The following LRRC37A2 variants were observed in gnomAD, a reference collection of about 807,000 sequenced individuals.
LRRC37A2 encodes the protein leucine rich repeat containing 37 member A2, also known as leucine-rich repeat-containing protein 37A2.
In LRRC37A2, 9 loss-of-function variants were observed where a neutral mutation model predicts 68.8. That is an observed-to-expected ratio of 0.13 (90% CI 0.08 to 0.23). The LOEUF (loss-of-function observed/expected upper bound fraction) is 0.23, where lower values mean the gene tolerates loss of function less well. Ranked by LOEUF, LRRC37A2 falls within the 10% of genes least tolerant of loss-of-function variation. The pLI is 1.00. For synonymous variants in LRRC37A2, 63 were observed against 367.6 expected, an observed-to-expected ratio of 0.17 and a Z score of 9.48; for missense variants, 168 against 950.4, an observed-to-expected ratio of 0.18 and a Z score of 10.82.
chr17:46,922,997 T>C, the LRRC37A2 span: 3 of 628,088 alleles, frequency 4.8e-6, no homozygotes, highest in African/African-American at 1.8e-5. Flanking sequence ...ACTACACTTA[T>C]CCTTCCGTCG....
chr17:46,947,299 T>C, the LRRC37A2 span, among the ~76,000 whole-genome samples: 2 of 152,268 alleles, frequency 1.3e-5, no homozygotes, highest in East Asian at 3.9e-4. Flanking sequence ...CGTGGTGGGC[T>C]GTGGGTTGTT....
chr17:46,894,571 G>A, the LRRC37A2 span, among the ~76,000 whole-genome samples: 1 of 152,212 alleles, frequency 6.6e-6, no homozygotes, highest in Non-Finnish European at 1.5e-5. Context: ...CGGAAGTGCC[G>A]GCACTGCGGG....
At chr17:46,534,825 C>T (rs2054370689) in intron 6 of LRRC37A2, among the ~76,000 whole-genome samples, 1 of 147,420 alleles carries the variant, frequency 6.8e-6, no homozygotes. Context: ...CAGGCGGGGG[C>T]TGGCCCCCAC....
the LRRC37A2 span, among the ~76,000 whole-genome samples, chr17:46,912,930 CCAA>C: frequency 1.3e-5 from 2 of 152,210 alleles, no homozygotes; most frequent in Admixed American, 1.3e-4. Flanking sequence ...CCTTCTGCCA[CCAA>C]CAAGCTTGGC....
the LRRC37A2 span, chr17:47,017,258 G>A: frequency 3.7e-6 from 6 of 1,611,392 alleles, no homozygotes; most frequent in African/African-American, 2.7e-5. Flanking sequence ...GGGGCCCATG[G>A]CCCCTCCTTA....
the LRRC37A2 span, among the ~76,000 whole-genome samples, chr17:46,403,768 A>G: frequency 2.3e-5 from 2 of 86,728 alleles, no homozygotes; most frequent in African/African-American, 4.1e-5. Flanking sequence ...ACACGATCTC[A>G]GCTCACTGCA....
the LRRC37A2 span, among the ~76,000 whole-genome samples, chr17:46,788,783 C>G: frequency 6.6e-6 from 1 of 152,132 alleles, no homozygotes; most frequent in Non-Finnish European, 1.5e-5. Flanking sequence ...TTTCCCTGCC[C>G]TCAGCAGCCC....
the LRRC37A2 span, among the ~76,000 whole-genome samples, chr17:47,014,709 G>A: frequency 1.3e-5 from 2 of 151,988 alleles, no homozygotes; most frequent in African/African-American, 4.8e-5. Context: ...TCGAACACAG[G>A]CCTTGTTAGA....
chr17:46,500,294 T>TC, the LRRC37A2 span, among the ~76,000 whole-genome samples: 3 of 133,722 alleles, frequency 2.2e-5, no homozygotes, highest in Middle Eastern at 3.8e-3. Context: ...TCTTTTTGCT[T>TC]CCCTTGCATC....
At chr17:47,030,100 C>A in the LRRC37A2 span, among the ~76,000 whole-genome samples, 13,510 of 78,712 alleles carry the variant, frequency 0.17, 1,526 homozygotes, top group East Asian at 0.26. Flanking sequence ...TCATCATCAT[C>A]ATCATCATCA....
the LRRC37A2 span, among the ~76,000 whole-genome samples, chr17:46,868,904 G>A: frequency 6.6e-6 from 1 of 152,216 alleles, no homozygotes; most frequent in African/African-American, 2.4e-5. Flanking sequence ...GAAGCCATGG[G>A]CTGAGCATGT....
At chr17:46,929,396 T>G in the LRRC37A2 span, 1 of 709,096 alleles carries the variant, frequency 1.4e-6, no homozygotes, top group Admixed American at 2.0e-5. Context: ...CATACAAATT[T>G]TACAGTTCAG....
At chr17:47,005,411 G>GT in the LRRC37A2 span, among the ~76,000 whole-genome samples, 2 of 152,164 alleles carry the variant, frequency 1.3e-5, no homozygotes, top group Non-Finnish European at 1.5e-5. Flanking sequence ...TGTTAAGTCT[G>GT]TTTTTTCGTA....
the LRRC37A2 span, chr17:46,975,465 C>G: frequency 6.6e-6 from 1 of 152,530 alleles, no homozygotes; most frequent in African/African-American, 2.4e-5. Context: ...TCCTCATTCA[C>G]TCTTACCTTA....
the LRRC37A2 span, among the ~76,000 whole-genome samples, chr17:46,847,874 G>A: frequency 7.2e-5 from 11 of 152,260 alleles, no homozygotes; most frequent in South Asian, 2.1e-4. Context: ...GGCAGGTGCC[G>A]GGAAGAGGAA....
chr17:46,853,096 G>T, the LRRC37A2 span, among the ~76,000 whole-genome samples: 2 of 152,166 alleles, frequency 1.3e-5, no homozygotes, highest in Non-Finnish European at 2.9e-5. Flanking sequence ...CAACTTGTTT[G>T]TTTCCGAAGA....
At chr17:47,024,723 T>C in the LRRC37A2 span, 5 of 877,424 alleles carry the variant, frequency 5.7e-6, no homozygotes, top group African/African-American at 3.3e-5. Context: ...CAAGGATTCA[T>C]TTGAAGGCCT....
At chr17:46,842,189 G>A in the LRRC37A2 span, among the ~76,000 whole-genome samples, 7 of 152,180 alleles carry the variant, frequency 4.6e-5, no homozygotes, top group African/African-American at 7.2e-5. Context: ...AGGCCACTTC[G>A]CCTCTCTGTG....
At chr17:46,708,825 T>A in the LRRC37A2 span, among the ~76,000 whole-genome samples, 5,132 of 104,154 alleles carry the variant, frequency 0.049, 241 homozygotes, top group East Asian at 0.41. Context: ...TATATATATT[T>A]TTTTTTTTTT....
Sources: gnomAD v4.1 joint callset for allele counts (sites outside exome capture counted in the v4.1 genomes callset) on GRCh38, gnomAD v4.1.1 for gene constraint, MANE v1.5 for transcripts, NCBI Gene and HGNC (gene_info 2026-07-23, HGNC 2026-07-21) for gene names.